Variants in NR2F1-AS1 observed in about 807,000 individuals in gnomAD.
NR2F1-AS1 encodes NR2F1 regulatory antisense RNA 1, also known as NR2F1 antisense RNA 1.
At chr5:93,490,363 A>G (rs1750809640) in intron 4 of NR2F1-AS1, among the ~76,000 whole-genome samples, 1 of 152,218 alleles carries the variant, frequency 6.6e-6, no homozygotes, top group African/African-American at 2.4e-5. Flanking sequence ...ACTTTTAGAA[A>G]CAAGCCAGAA....
At chr5:93,491,511 G>A (rs564892012) in intron 4 of NR2F1-AS1, among the ~76,000 whole-genome samples, 43 of 152,170 alleles carry the variant, frequency 2.8e-4, no homozygotes, top group Non-Finnish European at 5.3e-4. Context: ...TGGGCTAAGG[G>A]ATTCTCAGAT....
chr5:93,465,509 CAG>C (rs1221959771), intron 4 of NR2F1-AS1, among the ~76,000 whole-genome samples: 1 of 152,198 alleles, frequency 6.6e-6, no homozygotes, highest in Non-Finnish European at 1.5e-5. Flanking sequence ...TTGTGGAAGA[CAG>C]TGTGGCAATT....
chr5:93,453,476 GA>G (rs905000863), intron 4 of NR2F1-AS1, among the ~76,000 whole-genome samples: 2 of 151,636 alleles, frequency 1.3e-5, no homozygotes, highest in African/African-American at 4.8e-5. Context: ...GAATAAACCT[GA>G]AAAAAATCCA....
intron 3 of NR2F1-AS1, chr5:93,554,726 T>C (rs1752313543): frequency 6.6e-6 from 1 of 152,184 alleles, no homozygotes; most frequent in Admixed American, 6.5e-5. Flanking sequence ...GCATAGTACA[T>C]AACCTCAAAG....
chr5:93,583,277 C>CTCTCTCTCTCTCTCTCTCTTCTTCTCT (rs1753156826), upstream of NR2F1-AS1: 1 of 151,314 alleles, frequency 6.6e-6, no homozygotes, highest in Non-Finnish European at 1.5e-5. Context: ...TTGGGTCTCT[C>CTCTCTCTCTCTCTCTCTCTTCTTCTCT]TCTCTCTCTC....
At chr5:93,473,848 C>A (rs1349954349) in intron 4 of NR2F1-AS1, among the ~76,000 whole-genome samples, 2 of 151,842 alleles carry the variant, frequency 1.3e-5, no homozygotes, top group African/African-American at 4.8e-5. Flanking sequence ...ATAACCTACT[C>A]ATGGATACTT....
intron 1 of NR2F1-AS1, among the ~76,000 whole-genome samples, chr5:93,567,324 T>C (rs1244861305): frequency 6.6e-6 from 1 of 152,146 alleles, no homozygotes; most frequent in Admixed American, 6.5e-5. Context: ...TAATATGATA[T>C]GTAGTATGTT....
chr5:93,414,947 T>C (rs1250546807), intron 4 of NR2F1-AS1, among the ~76,000 whole-genome samples: 1 of 152,022 alleles, frequency 6.6e-6, no homozygotes, highest in Non-Finnish European at 1.5e-5. Flanking sequence ...CTCCAAGGAA[T>C]GCCCTTAAAG....
intron 4 of NR2F1-AS1, among the ~76,000 whole-genome samples, chr5:93,501,299 T>C (rs993213452): frequency 1.5e-5 from 2 of 135,790 alleles, no homozygotes; most frequent in African/African-American, 6.5e-5. Flanking sequence ...AAGTGAGTTG[T>C]TTTTTTTTTT....
intron 4 of NR2F1-AS1, among the ~76,000 whole-genome samples, chr5:93,424,440 CCTT>C (rs1322062719): frequency 6.6e-6 from 1 of 151,552 alleles, no homozygotes; most frequent in Non-Finnish European, 1.5e-5. Flanking sequence ...TATTTATACT[CCTT>C]CTTCTCCTTC....
Position 93,540,687 on chromosome 5 carries a change from T to C in NR2F1-AS1, n.638+13074A>G, listed in dbSNP as rs1751931979. ...GCTAAAAATCTAAAACAGGAACATA[T>C]CCTAGAAATGTGCAAGCCAAGATAA... On this transcript the variant is annotated intron_variant and non_coding_transcript_variant, in intron 4 of 5. Transcript: ENST00000660523. Among the ~76,000 whole-genome samples, 5 of 152,122 alleles carry C rather than the reference T, an allele frequency of 3.3e-5. No individual in the cohort carries two copies. The South Asian group carries it at 1.0e-3, about 32-fold the overall frequency.
intron 4 of NR2F1-AS1, among the ~76,000 whole-genome samples, chr5:93,550,957 A>T (rs1752212544): frequency 6.6e-6 from 1 of 151,854 alleles, no homozygotes; most frequent in Non-Finnish European, 1.5e-5. Context: ...ACACAGTAAA[A>T]TTCTTAGGTT....
chr5:93,476,710 A>C (rs1750492708), intron 4 of NR2F1-AS1, among the ~76,000 whole-genome samples: 1 of 152,150 alleles, frequency 6.6e-6, no homozygotes, highest in Non-Finnish European at 1.5e-5. Flanking sequence ...TCTCATTATT[A>C]CTTCACACGA....
At chr5:93,478,625 A>G (rs1750537526) in intron 4 of NR2F1-AS1, among the ~76,000 whole-genome samples, 1 of 152,036 alleles carries the variant, frequency 6.6e-6, no homozygotes, top group African/African-American at 2.4e-5. Context: ...GCTGGTCTCA[A>G]ACTCCTGACC....
At chr5:93,412,410 C>T (rs1748875622) in intron 4 of NR2F1-AS1, among the ~76,000 whole-genome samples, 1 of 152,162 alleles carries the variant, frequency 6.6e-6, no homozygotes. Context: ...ACTTAAAAGG[C>T]TCAGCACTAC....
chr5:93,581,733 T>C (rs866188786), upstream of NR2F1-AS1, among the ~76,000 whole-genome samples: 20 of 33,302 alleles, frequency 6.0e-4, 1 homozygote, highest in East Asian at 1.8e-3. Context: ...TCTCTCTCTC[T>C]CCCCCTCTCC....
At chr5:93,441,931 C>A (rs1478146556) in intron 4 of NR2F1-AS1, among the ~76,000 whole-genome samples, 3 of 152,220 alleles carry the variant, frequency 2.0e-5, no homozygotes, top group Non-Finnish European at 4.4e-5. Flanking sequence ...CATTGGAATA[C>A]AGCACACTTA....
intron 4 of NR2F1-AS1, among the ~76,000 whole-genome samples, chr5:93,548,814 T>C (rs1752155033): frequency 1.3e-5 from 2 of 152,058 alleles, no homozygotes; most frequent in Non-Finnish European, 2.9e-5. Flanking sequence ...AAGGTTGCAG[T>C]GAATCAAGAC....
At chr5:93,558,264 A>G (rs1487165987) in intron 2 of NR2F1-AS1, among the ~76,000 whole-genome samples, 6 of 152,068 alleles carry the variant, frequency 3.9e-5, no homozygotes, top group African/African-American at 4.8e-5. Flanking sequence ...GACTTTGCCC[A>G]GATGCATCAG....
Sources: allele counts gnomAD v4.1 joint callset (sites outside exome capture counted in the v4.1 genomes callset), GRCh38; gene constraint gnomAD v4.1.1; transcripts MANE v1.5; gene names NCBI Gene and HGNC (gene_info 2026-07-23, HGNC 2026-07-21).